The following COL19A1 variants were observed in gnomAD, a reference collection of about 807,000 sequenced individuals.
The protein encoded by COL19A1 is collagen type XIX alpha 1 chain.
In COL19A1, 159 loss-of-function variants were observed where a neutral mutation model predicts 190.2. The ratio of observed to expected loss-of-function variants is 0.84; its 90% CI spans 0.73 to 0.95. The LOEUF (loss-of-function observed/expected upper bound fraction) is 0.95. Ranked by LOEUF, COL19A1 falls within the 40% of genes least tolerant of loss-of-function variation. The pLI, the probability that COL19A1 is intolerant of heterozygous loss-of-function variation, is 0.00. For missense variants in COL19A1, 1,418 were observed against 1,431.9 expected (o/e 0.99, Z 0.16); for synonymous variants, 509 against 458.9 (o/e 1.11, Z -1.39).
At chr6:69,909,088 CA>C (rs1038573443) in intron 4 of COL19A1, among the ~76,000 whole-genome samples, 38 of 151,964 alleles carry the variant, frequency 2.5e-4, no homozygotes, top group African/African-American at 8.5e-4. Flanking sequence ...GTATTCTTAA[CA>C]ATTAAATTAC....
At chr6:69,975,427 T>C (rs1470056525) in intron 11 of COL19A1, among the ~76,000 whole-genome samples, 8 of 152,220 alleles carry the variant, frequency 5.3e-5, no homozygotes, top group Non-Finnish European at 1.0e-4. Context: ...AAGTTATCCA[T>C]GGCTATTTCA....
At chr6:70,055,272 A>G (rs1209552247) in intron 14 of COL19A1, among the ~76,000 whole-genome samples, 1 of 152,184 alleles carries the variant, frequency 6.6e-6, no homozygotes, top group Non-Finnish European at 1.5e-5. Flanking sequence ...TAGGGCAAGT[A>G]GGTATGGATA....
chr6:70,119,495 G>C (rs1784761444), intron 16 of COL19A1, among the ~76,000 whole-genome samples: 2 of 152,078 alleles, frequency 1.3e-5, no homozygotes, highest in African/African-American at 4.8e-5. Context: ...TGATCACCCA[G>C]TATTCTCTAG....
chr6:70,040,852 G>A (rs1033364861), intron 14 of COL19A1, among the ~76,000 whole-genome samples: 4 of 152,160 alleles, frequency 2.6e-5, no homozygotes, highest in South Asian at 2.1e-4. Context: ...TTGATATGAC[G>A]TTAATAAACT....
intron 5 of COL19A1, among the ~76,000 whole-genome samples, chr6:69,929,013 G>T (rs1472431208): frequency 6.6e-6 from 1 of 152,002 alleles, no homozygotes; most frequent in Non-Finnish European, 1.5e-5. Flanking sequence ...CACATTCTTA[G>T]TCTTCTTAAA....
chr6:70,116,518 TA>T (rs1376402581), intron 16 of COL19A1, among the ~76,000 whole-genome samples: 4 of 152,196 alleles, frequency 2.6e-5, no homozygotes, highest in African/African-American at 9.6e-5. Context: ...TGTGCTTTAC[TA>T]AGTTATGTAT....
intron 16 of COL19A1, among the ~76,000 whole-genome samples, chr6:70,109,661 T>C (rs1378763271): frequency 1.3e-5 from 2 of 152,022 alleles, no homozygotes; most frequent in Non-Finnish European, 1.5e-5. Flanking sequence ...GAAGGTAATA[T>C]TGTTTTTAGC....
chr6:70,189,975 T>A (rs1001308039), intron 47 of COL19A1, among the ~76,000 whole-genome samples: 1 of 152,226 alleles, frequency 6.6e-6, no homozygotes, highest in Non-Finnish European at 1.5e-5. Context: ...TAACATCATG[T>A]TTATACTTTT....
chr6:70,092,659 C>A (rs970191848), intron 15 of COL19A1, among the ~76,000 whole-genome samples: 2 of 152,134 alleles, frequency 1.3e-5, no homozygotes, highest in African/African-American at 4.8e-5. Context: ...CTCTAGAGTT[C>A]TCTTCATTTG....
chr6:70,188,610 C>T (rs1458163157), intron 47 of COL19A1, among the ~76,000 whole-genome samples: 1 of 152,198 alleles, frequency 6.6e-6, no homozygotes, highest in Non-Finnish European at 1.5e-5. Flanking sequence ...CTAATGTCTC[C>T]TTACACTACA....
At position 70,110,408 on chromosome 6, in the gene COL19A1, C is replaced by T. The variant is rs145883610; in HGVS notation, c.1278+8186C>T. ...AATGAACCTAACAATTTATTTGAGT[C>T]AATGGGAATAGGAATTTCATTTCTT... is the stretch of plus-strand genomic sequence containing the variant. On this transcript the variant is annotated intron_variant, in intron 16 of 50. Coordinates refer to ENST00000620364, the MANE Select transcript of COL19A1 (RefSeq NM_001858.6). Among the ~76,000 whole-genome samples, 174 of 152,184 alleles carry T rather than the reference C, an allele frequency of 1.1e-3. 1 individual carries two copies. The highest frequency in any genetic ancestry group is 6.8e-3 in the Middle Eastern group (2 of 294).
At chr6:70,055,882 G>A (rs746896329) in intron 14 of COL19A1, among the ~76,000 whole-genome samples, 14 of 149,626 alleles carry the variant, frequency 9.4e-5, no homozygotes, top group Admixed American at 2.7e-4. Flanking sequence ...ATAGTTTGTC[G>A]TTTGTTTCGG....
intron 12 of COL19A1, 118 bp from the exon 13 acceptor site, chr6:70,034,127 C>A: frequency 1.3e-6 from 1 of 742,566 alleles, no homozygotes; most frequent in South Asian, 1.6e-5. Flanking sequence ...TCTCTCTATA[C>A]TACAAAAGGA....
intron 15 of COL19A1, among the ~76,000 whole-genome samples, chr6:70,085,835 A>G (rs1782552664): frequency 6.6e-6 from 1 of 152,180 alleles, no homozygotes. Context: ...CTTAAACTCC[A>G]TTTAAAAATT....
chr6:70,169,638 C>T (rs767595946), intron 40 of COL19A1, among the ~76,000 whole-genome samples: 11 of 152,150 alleles, frequency 7.2e-5, no homozygotes, highest in Non-Finnish European at 1.2e-4. Flanking sequence ...TTGTTATCCC[C>T]TGAAAGCATT....
intron 49 of COL19A1, among the ~76,000 whole-genome samples, chr6:70,206,110 GTTCCT>G (rs919697640): frequency 1.5e-4 from 23 of 152,194 alleles, no homozygotes; most frequent in African/African-American, 4.3e-4. Flanking sequence ...TGAATTATTT[GTTCCT>G]TTCATTTCCT....
chr6:70,092,616 T>C (rs897017826), intron 15 of COL19A1, among the ~76,000 whole-genome samples: 3 of 152,198 alleles, frequency 2.0e-5, no homozygotes, highest in Non-Finnish European at 2.9e-5. Flanking sequence ...CATTTCAAAA[T>C]TGGGTGACCT....
chr6:69,940,336 A>C (rs181693271), intron 9 of COL19A1, among the ~76,000 whole-genome samples: 1 of 152,236 alleles, frequency 6.6e-6, no homozygotes, highest in East Asian at 1.9e-4. Context: ...ATAATAAAAA[A>C]TGTGCCAGAC....
intron 31 of COL19A1, among the ~76,000 whole-genome samples, chr6:70,155,815 G>A (rs972221312): frequency 3.3e-5 from 5 of 152,004 alleles, no homozygotes; most frequent in Non-Finnish European, 7.4e-5. Context: ...TTGAGCCTCA[G>A]TTTTTGTTCT....
Sources: gnomAD v4.1 joint callset for allele counts (sites outside exome capture counted in the v4.1 genomes callset) on GRCh38, gnomAD v4.1.1 for gene constraint, MANE v1.5 for transcripts, NCBI Gene and HGNC (gene_info 2026-07-23, HGNC 2026-07-21) for gene names.